Variants in AP2B1 observed in about 807,000 individuals in gnomAD.
AP2B1 encodes AP-2 complex subunit beta.
In AP2B1, 23 loss-of-function variants were observed where a neutral mutation model predicts 102.0. That is an observed-to-expected ratio of 0.23 (90% CI 0.16 to 0.32). AP2B1 has a LOEUF of 0.32. Among genes scored for constraint, AP2B1 ranks in the 10% least tolerant of loss-of-function variants. The probability of loss-of-function intolerance (pLI) is 1.00; values close to 1 mark genes in which losing one functional copy is unlikely to be tolerated. For missense variants in AP2B1, 541 were observed against 1,157.4 expected (o/e 0.47, Z 7.73); for synonymous variants, 381 against 421.2 (o/e 0.90, Z 1.17).
chr17:35,601,986 A>G (rs2073504510), intron 3 of AP2B1, among the ~76,000 whole-genome samples: 2 of 152,322 alleles, frequency 1.3e-5, no homozygotes. Context: ...CATGTTGGTC[A>G]GGCTGGTCTC....
intron 18 of AP2B1, among the ~76,000 whole-genome samples, chr17:35,706,241 A>G (rs1040223174): frequency 6.6e-6 from 1 of 150,998 alleles, no homozygotes; most frequent in Non-Finnish European, 1.5e-5. Context: ...ACAGTTTAGC[A>G]CCACTTACCT....
chr17:35,692,670 A>G (rs750079968), intron 18 of AP2B1, among the ~76,000 whole-genome samples: 1 of 152,032 alleles, frequency 6.6e-6, no homozygotes, highest in Non-Finnish European at 1.5e-5. Context: ...GGAAGAAAGT[A>G]CATTATTCAT....
intron 5 of AP2B1, among the ~76,000 whole-genome samples, chr17:35,609,735 T>G (rs2073800653): frequency 6.6e-6 from 1 of 152,188 alleles, no homozygotes; most frequent in Non-Finnish European, 1.5e-5. Context: ...TTGGCCTTCC[T>G]CAGTGAATTA....
intron 18 of AP2B1, among the ~76,000 whole-genome samples, chr17:35,708,378 C>T (rs1424788528): frequency 6.6e-6 from 1 of 151,944 alleles, no homozygotes; most frequent in African/African-American, 2.4e-5. Flanking sequence ...GTGCAATCTG[C>T]CTGTTCCTGA....
chr17:35,609,532 A>T (rs1033335740), intron 5 of AP2B1, among the ~76,000 whole-genome samples: 6 of 152,096 alleles, frequency 3.9e-5, no homozygotes, highest in Non-Finnish European at 7.4e-5. Flanking sequence ...ATTTTTTAGT[A>T]GAGACGGGGC....
At chr17:35,620,154 A>G (rs1041821677) in intron 5 of AP2B1, among the ~76,000 whole-genome samples, 2 of 152,126 alleles carry the variant, frequency 1.3e-5, no homozygotes, top group African/African-American at 4.8e-5. Context: ...TTATAAATCA[A>G]CTTGTGCTGA....
intron 12 of AP2B1, among the ~76,000 whole-genome samples, chr17:35,649,562 G>A (rs1334971920): frequency 2.6e-5 from 4 of 152,116 alleles, no homozygotes; most frequent in African/African-American, 4.8e-5. Context: ...AAGCCACCGC[G>A]CCCGGCCCTA....
intron 1 of AP2B1, among the ~76,000 whole-genome samples, chr17:35,591,558 A>C (rs2073101840): frequency 1.3e-5 from 2 of 152,240 alleles, no homozygotes; most frequent in African/African-American, 4.8e-5. Flanking sequence ...TTAAAATCTT[A>C]AACAAGTTTT....
intron 5 of AP2B1, among the ~76,000 whole-genome samples, chr17:35,611,362 C>T (rs2073858217): frequency 6.6e-6 from 1 of 152,086 alleles, no homozygotes; most frequent in Non-Finnish European, 1.5e-5. Context: ...CAGGCGACTC[C>T]AGTTTGAGGC....
At chr17:35,679,305 C>G (rs770529988) in intron 17 of AP2B1, among the ~76,000 whole-genome samples, 2 of 152,110 alleles carry the variant, frequency 1.3e-5, no homozygotes, top group Admixed American at 6.5e-5. Context: ...GCCCTGTCTT[C>G]CAAGGTGTTT....
At chr17:35,606,804 A>C (rs2073692007) in intron 4 of AP2B1, among the ~76,000 whole-genome samples, 1 of 152,108 alleles carries the variant, frequency 6.6e-6, no homozygotes, top group African/African-American at 2.4e-5. Flanking sequence ...CAATATCATC[A>C]TGTCTTTAAA....
chr17:35,708,663 T>C (rs56242970), intron 18 of AP2B1, among the ~76,000 whole-genome samples: 2,017 of 152,278 alleles, frequency 0.013, 51 homozygotes, highest in African/African-American at 0.047. Flanking sequence ...AAAACTGATA[T>C]TTAAAAAAAT....
At position 35,608,324 on chromosome 17, in the gene AP2B1, A is replaced by G. The variant is rs1274586733; in HGVS notation, c.462A>G (p.Gln154=). Residue 154 remains glutamine, a synonymous_variant, in exon 5 of 22, where the codon CAA becomes CAG. Transcript: ENST00000610402. ...CVAKLHDINA[Q]MVEDQGFLDS... is the part of the protein sequence containing the mutation. ...CAAAACTCCATGATATCAATGCCCAAATGGTGGAAGATCAGGGATTTCTGG... is the reference window on the plus strand; with the variant it reads ...CAAAACTCCATGATATCAATGCCCAGATGGTGGAAGATCAGGGATTTCTGG... 6.2e-7 allele frequency: 1 copy of G among 1,614,176 alleles called. No individual in the cohort carries two copies. Among genetic ancestry groups the G allele is most frequent in the Non-Finnish European group, 8.5e-7 (1 of 1,180,018 alleles).
intron 9 of AP2B1, among the ~76,000 whole-genome samples, chr17:35,630,618 C>G (rs940763796): frequency 2.0e-5 from 3 of 152,330 alleles, no homozygotes; most frequent in African/African-American, 7.2e-5. Context: ...CAGAGACTTT[C>G]TAGCCCTGGA....
chr17:35,668,745 A>G (rs1414041397), intron 14 of AP2B1, among the ~76,000 whole-genome samples: 1 of 152,150 alleles, frequency 6.6e-6, no homozygotes, highest in African/African-American at 2.4e-5. Context: ...TATTTGAGAA[A>G]TGGCCTTCCC....
intron 6 of AP2B1, 37 bp from the exon 7 acceptor site, chr17:35,626,584 A>T (rs757703038): frequency 4.8e-6 from 7 of 1,471,532 alleles, no homozygotes; most frequent in Non-Finnish European, 6.6e-6. Context: ...CAAATAAATT[A>T]TAATTCATGA....
rs759782415 is a variant in AP2B1 at position 35,608,306 on chromosome 17, C to A, written c.444C>A (p.Leu148=). The A allele has an allele frequency of 6.8e-6, 11 of 1,614,058 alleles. No individual in the cohort carries two copies. In the South Asian group the frequency reaches 1.2e-4, roughly 18 times the overall value. ...CAGCAGCAGTCTGCGTGGCAAAACT[C>A]CATGATATCAATGCCCAAATGGTGG... ...RKTAAVCVAK[L]HDINAQMVED... Residue 148 remains leucine (L), a synonymous_variant, in exon 5 of 22, where the codon CTC becomes CTA. Coordinates refer to ENST00000610402, the MANE Select transcript of AP2B1 (RefSeq NM_001030006.2).
chr17:35,652,941 A>G (rs1428943924), intron 13 of AP2B1, among the ~76,000 whole-genome samples: 1 of 152,148 alleles, frequency 6.6e-6, no homozygotes, highest in Non-Finnish European at 1.5e-5. Flanking sequence ...GTATGAAATC[A>G]TTTCCCCTTT....
chr17:35,612,550 C>T (rs1161423702), intron 5 of AP2B1, among the ~76,000 whole-genome samples: 2 of 152,124 alleles, frequency 1.3e-5, no homozygotes, highest in East Asian at 1.9e-4. Context: ...ATTTAAGTGC[C>T]TTCTATGCCA....
Sources: gnomAD v4.1 joint callset for allele counts (sites outside exome capture counted in the v4.1 genomes callset) on GRCh38, gnomAD v4.1.1 for gene constraint, MANE v1.5 for transcripts, NCBI Gene and HGNC (gene_info 2026-07-23, HGNC 2026-07-21) for gene names.